The following LRRC52 variants were observed in gnomAD, a reference collection of about 807,000 sequenced individuals.
LRRC52 encodes the protein leucine-rich repeat-containing protein 52.
A neutral mutation model predicts 14.7 loss-of-function variants in LRRC52; 15 were observed. The ratio of observed to expected loss-of-function variants is 1.02; its 90% CI spans 0.68 to 1.58. The LOEUF is 1.58. Ranked by LOEUF, LRRC52 falls within the 40% of genes most tolerant of loss-of-function variation. LRRC52 has a pLI of 0.00. For synonymous variants in LRRC52, 180 were observed against 163.9 expected (o/e 1.10, Z -0.75); for missense variants, 400 against 387.7 (o/e 1.03, Z -0.27).
At chr1:165,549,148 C>T (rs1441743567) in intron 1 of LRRC52, among the ~76,000 whole-genome samples, 1 of 152,142 alleles carries the variant, frequency 6.6e-6, no homozygotes, top group African/African-American at 2.4e-5. Flanking sequence ...TTTTCAGACC[C>T]TAAGGAACAA....
intron 1 of LRRC52, 59 bp downstream of exon 1, chr1:165,544,977 G>A (rs1278053185): frequency 6.3e-7 from 1 of 1,582,212 alleles, no homozygotes; most frequent in East Asian, 2.2e-5. Context: ...CAGAAAAGGT[G>A]AACTCAAAAG....
intron 1 of LRRC52, among the ~76,000 whole-genome samples, chr1:165,562,983 T>C (rs1394315406): frequency 6.6e-6 from 1 of 152,028 alleles, no homozygotes; most frequent in Non-Finnish European, 1.5e-5. Flanking sequence ...CTTGCAATGC[T>C]CTCGGGGGAT....
intron 1 of LRRC52, among the ~76,000 whole-genome samples, chr1:165,555,438 C>T (rs1383591388): frequency 6.6e-6 from 1 of 152,112 alleles, no homozygotes; most frequent in Non-Finnish European, 1.5e-5. Context: ...TAGAAAATTA[C>T]TGAGGCCAGG....
At chr1:165,555,726 T>A (rs1661220897) in intron 1 of LRRC52, among the ~76,000 whole-genome samples, 1 of 151,510 alleles carries the variant, frequency 6.6e-6, no homozygotes, top group South Asian at 2.1e-4. Flanking sequence ...ACTAGCAGGG[T>A]TTGCTTATGA....
intron 1 of LRRC52, among the ~76,000 whole-genome samples, chr1:165,548,892 C>T (rs1346087035): frequency 6.6e-6 from 1 of 152,050 alleles, no homozygotes; most frequent in African/African-American, 2.4e-5. Flanking sequence ...GTCAAGTGTT[C>T]CCCTAGATAA....
intron 1 of LRRC52, among the ~76,000 whole-genome samples, chr1:165,545,620 GATA>G (rs1239423327): frequency 1.3e-3 from 1 of 788 alleles, no homozygotes; most frequent in South Asian, 0.036. Context: ...CTTACAGGTA[GATA>G]GATGCTCAGC....
chr1:165,552,698 C>A (rs1661158150), intron 1 of LRRC52, among the ~76,000 whole-genome samples: 1 of 152,196 alleles, frequency 6.6e-6, no homozygotes, highest in Non-Finnish European at 1.5e-5. Context: ...TGGCACAATT[C>A]TAATTAATAA....
chr1:165,563,768 C>A lies in LRRC52; in HGVS notation c.886C>A (p.Arg296=), dbSNP rs453717. 0.29 allele frequency: 463,791 copies of A among 1,613,854 alleles called. 67,528 individuals carry two copies. The highest frequency in any genetic ancestry group is 0.35 in the South Asian group (31,745 of 91,066). ...DEAGTRVEVS[R]RIFQTQTSSV... is the part of the protein sequence containing the mutation. ...GGCCGGGACTAGGGTGGAAGTCAGC[C>A]GGCGGATTTTTCAAACCCAGACGAG... The change falls in exon 2 of 2, where the codon CGG becomes AGG. Residue 296 remains arginine, a synonymous_variant. Coordinates refer to ENST00000294818, the MANE Select transcript of LRRC52 (RefSeq NM_001005214.4).
rs765779941 is a variant in LRRC52, at chr1:165,563,700, A to G, written c.818A>G (p.Tyr273Cys). The G allele has an allele frequency of 6.8e-6, 11 of 1,614,126 alleles. 1 individual carries two copies. The South Asian group carries it at 1.1e-4, about 16-fold the overall frequency. The change falls in exon 2 of 2, where the codon TAC (tyrosine) becomes TGC (cysteine). Residue 273 changes from tyrosine to cysteine, a missense_variant. Tyr to Cys is a radical substitution (Grantham distance 194). Coordinates refer to ENST00000294818, the MANE Select transcript of LRRC52 (RefSeq NM_001005214.4). ...AWLTGVCAVL[Y>C]QNTRHKSSEE... ...CTCACAGGTGTGTGTGCTGTGCTCT[A>G]CCAGAACACCCGCCACAAGTCGAGT...
At chr1:165,563,462 T>C in intron 1 of LRRC52, 43 bp from the exon 2 acceptor site, 1 of 1,555,206 alleles carries the variant, frequency 6.4e-7, no homozygotes, top group Non-Finnish European at 8.7e-7. Flanking sequence ...ACGCTGGGAG[T>C]CACGCTGTTT....
chr1:165,545,030 G>A lies in LRRC52; in HGVS notation c.622+112G>A, dbSNP rs928238392. 7 of 1,352,822 alleles carry A rather than the reference G, an allele frequency of 5.2e-6. No homozygotes were observed. In the African/African-American group the frequency reaches 8.7e-5, roughly 17 times the overall value. The allele number at this position is 1,352,822 out of a possible 1,614,324, so 83.8% of individuals were successfully genotyped here. On this transcript the variant is annotated intron_variant, in intron 1 of 1. Transcript: ENST00000294818. ...AAAAGTTGGGTGAAGCTGATTGAAT[G>A]CATTCTTATTACTCTGCAGGGCCCA...
intron 1 of LRRC52, among the ~76,000 whole-genome samples, chr1:165,545,617 GTAGA>G (rs66585209): frequency 0.97 from 146,892 of 151,860 alleles, 71,237 homozygotes; most frequent in East Asian, 1. Flanking sequence ...AGTCTTACAG[GTAGA>G]TAGATGCTCA....
At chr1:165,557,683 TTTGG>T (rs916620220) in intron 1 of LRRC52, among the ~76,000 whole-genome samples, 9 of 152,126 alleles carry the variant, frequency 5.9e-5, no homozygotes, top group Admixed American at 3.3e-4. Context: ...TCTAGTGATA[TTTGG>T]GTGGACTGGG....
chr1:165,555,039 G>A (rs529622178), intron 1 of LRRC52, among the ~76,000 whole-genome samples: 157 of 152,278 alleles, frequency 1.0e-3, no homozygotes, highest in African/African-American at 3.7e-3. Flanking sequence ...GATGCCAGCC[G>A]CTTGGCCAGG....
At chr1:165,557,614 A>G (rs1436497688) in intron 1 of LRRC52, among the ~76,000 whole-genome samples, 2 of 152,180 alleles carry the variant, frequency 1.3e-5, no homozygotes, top group Admixed American at 6.5e-5. Context: ...TGGCAAATCA[A>G]TTTCCTTGAC....
chr1:165,560,381 T>C (rs916933976), intron 1 of LRRC52, among the ~76,000 whole-genome samples: 1 of 152,168 alleles, frequency 6.6e-6, no homozygotes, highest in African/African-American at 2.4e-5. Flanking sequence ...CATCCCTCAA[T>C]TTTACAAATT....
chr1:165,561,339 T>G (rs1661337471), intron 1 of LRRC52, among the ~76,000 whole-genome samples: 1 of 152,196 alleles, frequency 6.6e-6, no homozygotes, highest in Non-Finnish European at 1.5e-5. Context: ...ACCCTCCGAA[T>G]CCCATGTTTG....
chr1:165,561,341 C>G (rs1661337586), intron 1 of LRRC52, among the ~76,000 whole-genome samples: 1 of 152,148 alleles, frequency 6.6e-6, no homozygotes, highest in South Asian at 2.1e-4. Flanking sequence ...CCTCCGAATC[C>G]CATGTTTGCC....
In LRRC52 at chr1:165,544,567, G is replaced by C. The variant is rs764714371; in HGVS notation, c.271G>C (p.Glu91Gln). The change falls in exon 1 of 2, where the codon GAG (glutamate) becomes CAG (glutamine). Residue 91 changes from glutamate to glutamine, a missense_variant. Physicochemically the swap from Glu to Gln is conservative, Grantham distance 29 (BLOSUM62 2). Coordinates refer to ENST00000294818, the MANE Select transcript of LRRC52 (RefSeq NM_001005214.4). The stretch of plus-strand genomic sequence containing the variant: ...GGACTGTCAGAACAACCGGATTCGA[G>C]AGGTGATGGATTATACCTTCATCGG... ...YLDCQNNRIR[E>Q]VMDYTFIGVF... 1.9e-6 allele frequency: 3 copies of C among 1,613,868 alleles called. No homozygotes were observed. The Admixed American group carries it at 5.0e-5, about 27-fold the overall frequency.
Sources: gnomAD v4.1 joint callset for allele counts (sites outside exome capture counted in the v4.1 genomes callset) on GRCh38, gnomAD v4.1.1 for gene constraint, MANE v1.5 for transcripts, NCBI Gene and HGNC (gene_info 2026-07-23, HGNC 2026-07-21) for gene names.